BCL11A: variants seen among roughly 807,000 people sequenced by gnomAD.
The protein encoded by BCL11A is B cell CLL/lymphoma 11A.
A neutral mutation model predicts 55.9 loss-of-function variants in BCL11A; 2 were observed. The ratio of observed to expected loss-of-function variants is 0.04; its 90% CI spans 0.01 to 0.11. The LOEUF (loss-of-function observed/expected upper bound fraction) is 0.11. Ranked by LOEUF, BCL11A falls within the 10% of genes least tolerant of loss-of-function variation. The pLI is 1.00. For missense variants in BCL11A, 817 were observed against 1,137.1 expected (o/e 0.72, Z 4.05); for synonymous variants, 465 against 473.4 (o/e 0.98, Z 0.23).
intron 2 of BCL11A, among the ~76,000 whole-genome samples, chr2:60,484,670 G>C (rs1200453177): frequency 6.6e-6 from 1 of 151,930 alleles, no homozygotes; most frequent in Non-Finnish European, 1.5e-5. Context: ...TTTCTTAAGA[G>C]AAGGGGGAAT....
chr2:60,461,367 G>A lies in BCL11A; in HGVS notation c.1545C>T (p.Phe515=), dbSNP rs147119753. The A allele has an allele frequency of 2.8e-4, 444 of 1,605,844 alleles. 1 individual carries two copies. The highest frequency in any genetic ancestry group is 3.4e-4 in the Non-Finnish European group (401 of 1,179,278). The part of the protein sequence containing the change: ...LTESERVDYG[F]GLSLEAARHH... ...GGCGCGCCGCCTCCAGGCTCAGCCC[G>A]AAGCCGTAGTCCACCCTCTCGCTCT... Residue 515 remains phenylalanine (F), a synonymous_variant, in exon 4 of 4, where the codon TTC becomes TTT. Transcript: ENST00000642384.
chr2:60,475,070 A>G (rs2104072414), intron 2 of BCL11A, among the ~76,000 whole-genome samples: 1 of 152,354 alleles, frequency 6.6e-6, no homozygotes, highest in Non-Finnish European at 1.5e-5. Context: ...AGATAAAAAG[A>G]AAAAGCAGGT....
At chr2:60,477,596 A>AAAAGAAAGAAAG (rs751672151) in intron 2 of BCL11A, among the ~76,000 whole-genome samples, 3 of 133,178 alleles carry the variant, frequency 2.3e-5, no homozygotes, top group East Asian at 4.1e-4. Context: ...AACTTAGAGT[A>AAAAGAAAGAAAG]AAATAAATAA....
chr2:60,553,054 T>A (rs565771238), intron 1 of BCL11A, among the ~76,000 whole-genome samples, 162 bp downstream of exon 1: 9 of 151,074 alleles, frequency 6.0e-5, no homozygotes, highest in Non-Finnish European at 3.0e-5. Flanking sequence ...GGGATGAGGG[T>A]TTTTTCCCCC....
chr2:60,470,845 G>A (rs1206405971), intron 2 of BCL11A, among the ~76,000 whole-genome samples: 2 of 152,148 alleles, frequency 1.3e-5, no homozygotes, highest in African/African-American at 4.8e-5. Flanking sequence ...AAAAACCCTA[G>A]CTATCATCAA....
At position 60,474,310 on chromosome 2, in the gene BCL11A, CA is replaced by C. The variant is rs368221919; in HGVS notation, c.386-5478del. On this transcript the variant is annotated intron_variant, in intron 2 of 3. Coordinates refer to ENST00000642384, the MANE Select transcript of BCL11A (RefSeq NM_022893.4). ...TTAACATAAGCAAAGCATATAATTCCAAAAAAAAAAAATCTTGCTTTTCTGA... is the reference window on the plus strand; with the variant it reads ...TTAACATAAGCAAAGCATATAATTCCAAAAAAAAAAATCTTGCTTTTCTGA... Among the ~76,000 whole-genome samples, 596 of 144,512 alleles carry C rather than the reference CA, an allele frequency of 4.1e-3. 4 individuals carry two copies. The highest frequency in any genetic ancestry group is 9.8e-3 in the African/African-American group (387 of 39,386). 94.8% of individuals were successfully genotyped at this position (144,512 alleles called of 152,430 possible). A position where few individuals can be genotyped will look rare whatever the true frequency, so the allele number is the denominator to read the frequency against.
At chr2:60,537,598 G>C (rs1166290116) in intron 2 of BCL11A, 1 of 152,168 alleles carries the variant, frequency 6.6e-6, no homozygotes, top group Admixed American at 6.5e-5. Context: ...GAACAGACTT[G>C]GCACATAGTG....
chr2:60,474,477 T>TAA (rs533510931), intron 2 of BCL11A, among the ~76,000 whole-genome samples: 1 of 152,198 alleles, frequency 6.6e-6, no homozygotes, highest in South Asian at 2.1e-4. Context: ...TTTAGGGTGT[T>TAA]AAAAAAAGTT....
rs1227392796 is a variant in BCL11A, at chr2:60,553,468, G to T, written c.-198C>A. 2 of 134,554 alleles carry T rather than the reference G, an allele frequency of 1.5e-5. No homozygotes were observed. The highest frequency in any genetic ancestry group is 2.8e-5 in the Non-Finnish European group (2 of 71,408). 8.3% of individuals were successfully genotyped at this position (134,554 alleles called of 1,614,324 possible). ...AGATGAATTGTGGGAGAGCCGTCAT[G>T]GCTTTTTTTTAAGCAAAAAAAAAAA... is the stretch of plus-strand genomic sequence containing the variant. On this transcript the variant is annotated 5_prime_UTR_variant, in exon 1 of 4. Transcript: ENST00000642384.
Position 60,459,461 on chromosome 2 carries a change from T to G in BCL11A, c.*943A>C. 1 of 1,021,406 alleles carries G rather than the reference T, an allele frequency of 9.8e-7. No homozygotes were observed. Among genetic ancestry groups the G allele is most frequent in the Non-Finnish European group, 1.2e-6 (1 of 850,866 alleles). 63.3% of individuals were successfully genotyped at this position (1,021,406 alleles called of 1,614,324 possible). On this transcript the variant is annotated 3_prime_UTR_variant, in exon 4 of 4. Coordinates refer to ENST00000642384, the MANE Select transcript of BCL11A (RefSeq NM_022893.4). ...ACCAGGAGCAAAGTAGCTTTTATACTGGTATAATCAGTTTTGTTTATAAAA... is the reference window on the plus strand; with the variant it reads ...ACCAGGAGCAAAGTAGCTTTTATACGGGTATAATCAGTTTTGTTTATAAAA...
At chr2:60,452,348 C>G, downstream of BCL11A, 1 of 477,378 alleles carries the variant, frequency 2.1e-6, no homozygotes, top group East Asian at 3.5e-5. Flanking sequence ...GGGACTGATT[C>G]ACTGTTCCAA....
intron 1 of BCL11A, among the ~76,000 whole-genome samples, chr2:60,552,643 A>G (rs905832315): frequency 6.6e-6 from 1 of 151,986 alleles, no homozygotes; most frequent in Non-Finnish European, 1.5e-5. Flanking sequence ...CTTTCTCACT[A>G]TTGTGGGGAT....
At position 60,531,161 on chromosome 2, in the gene BCL11A, GA is replaced by G. The variant is rs534951911; in HGVS notation, c.385+14809del. On this transcript the variant is annotated intron_variant, in intron 2 of 3. Transcript: ENST00000642384. ...CCTCCTGGCAACCTCAGAAATTAGA[GA>G]AAAAAAAAAAAAGAGCTCCTGGCTA... Among the ~76,000 whole-genome samples, 188 of 137,062 alleles carry G rather than the reference GA, an allele frequency of 1.4e-3. 1 individual carries two copies. The South Asian group carries it at 0.014, about 11-fold the overall frequency. 89.9% of individuals were successfully genotyped at this position (137,062 alleles called of 152,430 possible). A position where few individuals can be genotyped will look rare whatever the true frequency, so the allele number is the denominator to read the frequency against.
Position 60,553,581 on chromosome 2 carries a change from CCT to C in BCL11A, c.-313_-312del. On this transcript the variant is annotated 5_prime_UTR_variant, in exon 1 of 4. Transcript: ENST00000642384. The stretch of plus-strand genomic sequence containing the variant: ...AGATGAAAAAAATGGCAAAAGCCCC[CCT>C]GAGCTGCAAGTTCAAGTGCGGACGT... 2.5e-6 allele frequency: 1 copy of C among 396,968 alleles called. No homozygotes were observed. The highest frequency in any genetic ancestry group is 4.3e-6 in the Non-Finnish European group (1 of 230,060). 24.6% of individuals were successfully genotyped at this position (396,968 alleles called of 1,614,324 possible). A position where few individuals can be genotyped will look rare whatever the true frequency, so the allele number is the denominator to read the frequency against.
In BCL11A at chr2:60,477,629, A is replaced by C. The variant is rs564568079; in HGVS notation, c.386-8796T>G. ...TAAAGAAAGAAAGAAAGAAAGAAATAATCAAACATGGTGTTTCCAAGAGAC... is the reference window on the plus strand; with the variant it reads ...TAAAGAAAGAAAGAAAGAAAGAAATCATCAAACATGGTGTTTCCAAGAGAC... On this transcript the variant is annotated intron_variant, in intron 2 of 3. Transcript: ENST00000642384. 2.6e-5 allele frequency among the ~76,000 whole-genome samples: 4 copies of C among 152,262 alleles called. No individual in the cohort carries two copies. The South Asian group carries it at 8.3e-4, about 32-fold the overall frequency.
chr2:60,464,320 C>T (rs1440993714), intron 3 of BCL11A, among the ~76,000 whole-genome samples: 1 of 152,196 alleles, frequency 6.6e-6, no homozygotes, highest in Non-Finnish European at 1.5e-5. Context: ...TGCCTCCTCT[C>T]TTCAAAGGGA....
chr2:60,477,499 T>C (rs1381437326), intron 2 of BCL11A, among the ~76,000 whole-genome samples: 5 of 152,222 alleles, frequency 3.3e-5, no homozygotes, highest in Non-Finnish European at 7.4e-5. Flanking sequence ...ATGCCTAATG[T>C]AGATGATGGG....
At chr2:60,509,648 AAC>A (rs1679869815) in intron 2 of BCL11A, among the ~76,000 whole-genome samples, 1 of 152,250 alleles carries the variant, frequency 6.6e-6, no homozygotes, top group Non-Finnish European at 1.5e-5. Context: ...GCTAAAGAAC[AAC>A]AGAGAAGGAA....
intron 2 of BCL11A, among the ~76,000 whole-genome samples, chr2:60,510,067 C>T (rs1679897679): frequency 6.6e-6 from 1 of 152,204 alleles, no homozygotes; most frequent in Non-Finnish European, 1.5e-5. Flanking sequence ...CTCACGTCCC[C>T]ACCACCCTGG....
Sources: allele counts gnomAD v4.1 joint callset (sites outside exome capture counted in the v4.1 genomes callset), GRCh38; gene constraint gnomAD v4.1.1; transcripts MANE v1.5; gene names NCBI Gene and HGNC (gene_info 2026-07-23, HGNC 2026-07-21).